IQGAP2: variants seen among roughly 807,000 people sequenced by gnomAD.
IQGAP2 encodes the protein ras GTPase-activating-like protein IQGAP2.
A neutral mutation model predicts 201.3 loss-of-function variants in IQGAP2; 173 were observed. That is an observed-to-expected ratio of 0.86 (90% CI 0.76 to 0.98). IQGAP2 has a LOEUF of 0.98. IQGAP2 is among the 50% of genes least tolerant of loss of function. The pLI, the probability that IQGAP2 is intolerant of heterozygous loss-of-function variation, is 0.00. For missense variants in IQGAP2, 1,687 were observed against 1,864.8 expected, an observed-to-expected ratio of 0.90 and a Z score of 1.76; for synonymous variants, 675 against 673.9, an observed-to-expected ratio of 1.00 and a Z score of -0.03.
At chr5:76,505,190 C>T (rs1428744823) in intron 2 of IQGAP2, among the ~76,000 whole-genome samples, 2 of 152,204 alleles carry the variant, frequency 1.3e-5, no homozygotes, top group Non-Finnish European at 2.9e-5. Flanking sequence ...AGGGCAGACC[C>T]CTCACCAGGT....
chr5:76,659,577 A>G (rs963438659), intron 21 of IQGAP2, among the ~76,000 whole-genome samples: 4 of 152,256 alleles, frequency 2.6e-5, no homozygotes, highest in Admixed American at 6.5e-5. Flanking sequence ...AAAATGTATT[A>G]TGCATCTACA....
rs1580579913 is a variant in IQGAP2, at chr5:76,606,394, CT to C, written c.1357+92del. 5 of 1,189,286 alleles carry C rather than the reference CT, an allele frequency of 4.2e-6. No individual in the cohort carries two copies. The East Asian group carries it at 1.3e-4, about 30-fold the overall frequency. 73.7% of individuals were successfully genotyped at this position (1,189,286 alleles called of 1,614,324 possible). On this transcript the variant is annotated intron_variant, in intron 12 of 35. Transcript: ENST00000274364. ...TCTAGATTAGGGCTTTAAGTTTTTG[CT>C]CAAGGAACTTTGTGAGAGCAAACTC...
chr5:76,485,038 A>G (rs1756031029), intron 2 of IQGAP2, among the ~76,000 whole-genome samples: 1 of 152,136 alleles, frequency 6.6e-6, no homozygotes, highest in Admixed American at 6.6e-5. Context: ...TGTGTTGCCC[A>G]GTCTGGTCTC....
chr5:76,591,768 A>G (rs1413685850), intron 8 of IQGAP2, among the ~76,000 whole-genome samples: 1 of 152,158 alleles, frequency 6.6e-6, no homozygotes, highest in African/African-American at 2.4e-5. Flanking sequence ...TGTTGAAGAA[A>G]TCAGCCATCA....
chr5:76,647,916 C>T (rs983230808), intron 17 of IQGAP2, among the ~76,000 whole-genome samples: 2 of 152,128 alleles, frequency 1.3e-5, no homozygotes, highest in African/African-American at 4.8e-5. Context: ...TGGACTTCCA[C>T]CCTCCTGGAC....
chr5:76,609,067 C>T (rs1044119840), intron 12 of IQGAP2: 15 of 1,519,618 alleles, frequency 9.9e-6, no homozygotes, highest in Non-Finnish European at 1.3e-5. Flanking sequence ...AATCTTTCAG[C>T]TCCTATGATG....
chr5:76,689,159 A>G (rs1170118256), intron 30 of IQGAP2, among the ~76,000 whole-genome samples: 5 of 139,820 alleles, frequency 3.6e-5, no homozygotes, highest in Admixed American at 3.1e-4. Flanking sequence ...TCCCTTGTGT[A>G]TGTTTATAGA....
chr5:76,691,164 G>A (rs762944127), intron 30 of IQGAP2, among the ~76,000 whole-genome samples: 1 of 152,188 alleles, frequency 6.6e-6, no homozygotes, highest in Non-Finnish European at 1.5e-5. Context: ...TCATGGGACT[G>A]GATGGTTACT....
At chr5:76,595,622 G>C (rs1353465513) in intron 9 of IQGAP2, among the ~76,000 whole-genome samples, 2 of 151,874 alleles carry the variant, frequency 1.3e-5, no homozygotes, top group Non-Finnish European at 2.9e-5. Flanking sequence ...TTAGCCGGGT[G>C]TGGTGGCACA....
intron 2 of IQGAP2, among the ~76,000 whole-genome samples, chr5:76,532,685 C>T (rs1057396777): frequency 2.6e-5 from 4 of 152,160 alleles, no homozygotes; most frequent in African/African-American, 9.7e-5. Flanking sequence ...ATCATGTTGC[C>T]CTTTCAGACA....
intron 1 of IQGAP2, among the ~76,000 whole-genome samples, chr5:76,416,768 C>T (rs755123681): frequency 6.6e-5 from 10 of 151,920 alleles, no homozygotes; most frequent in Non-Finnish European, 8.8e-5. Context: ...CCTCGTGATC[C>T]GCCCACCTCG....
chr5:76,600,113 AC>A (rs909814963), intron 10 of IQGAP2, among the ~76,000 whole-genome samples: 7 of 152,066 alleles, frequency 4.6e-5, no homozygotes, highest in Non-Finnish European at 8.8e-5. Flanking sequence ...GTGCCATTGC[AC>A]CCCAGCCTGG....
rs1228104680 is a variant in IQGAP2 at position 76,589,736 on chromosome 5, C to A, written c.640+8C>A. On this transcript the variant is annotated splice_region_variant and intron_variant, in intron 7 of 35. Coordinates refer to ENST00000274364, the MANE Select transcript of IQGAP2 (RefSeq NM_006633.5). ...CCGTGGATGAAGCTGCATGTAAGTC[C>A]ATTCAAAATCCAAACTTGCCATGGA... The A allele has an allele frequency of 5.2e-6, 8 of 1,525,564 alleles. No homozygotes were observed. The South Asian group carries it at 8.6e-5, about 16-fold the overall frequency. The allele number at this position is 1,525,564 out of a possible 1,614,324, so 94.5% of individuals were successfully genotyped here.
Position 76,674,017 on chromosome 5 carries a change from C to A in IQGAP2, c.3275C>A (p.Thr1092Lys). ...NSIHEKFPDATEDELLKIVGN... is the reference protein window; with the variant it reads ...NSIHEKFPDAKEDELLKIVGN... ...ATCCATGAGAAATTCCCCGATGCAA[C>A]AGAAGATGAGCTATTAAAGGTAGAT... is the stretch of plus-strand genomic sequence containing the variant. The change falls in exon 26 of 36, where the codon ACA becomes AAA. Residue 1092 changes from threonine to lysine, a missense_variant. Thr to Lys is a moderately conservative substitution (Grantham distance 78). Transcript: ENST00000274364. 1 of 1,605,142 alleles carries A rather than the reference C, an allele frequency of 6.2e-7. No homozygotes were observed. Among genetic ancestry groups the A allele is most frequent in the Non-Finnish European group, 8.5e-7 (1 of 1,171,950 alleles).
intron 15 of IQGAP2, 102 bp downstream of exon 15, chr5:76,632,128 C>A: frequency 3.9e-6 from 4 of 1,019,848 alleles, no homozygotes; most frequent in Admixed American, 3.2e-5. Context: ...TTCAAATTAA[C>A]ATTTCTGTAA....
At chr5:76,654,358 T>C (rs1752743605) in intron 19 of IQGAP2, 87 bp downstream of exon 19, 3 of 846,954 alleles carry the variant, frequency 3.5e-6, no homozygotes, top group Non-Finnish European at 5.7e-6. Flanking sequence ...ATGATTTTTA[T>C]TGAATGGTGA....
chr5:76,535,703 T>C (rs1759583176), intron 2 of IQGAP2, among the ~76,000 whole-genome samples: 1 of 152,180 alleles, frequency 6.6e-6, no homozygotes, highest in Non-Finnish European at 1.5e-5. Context: ...TAAGCTAAGC[T>C]TGTGTAGCTA....
rs557772713 is a variant in IQGAP2 at position 76,679,743 on chromosome 5, T to C, written c.3660+2393T>C. On this transcript the variant is annotated intron_variant, in intron 28 of 35. Transcript: ENST00000274364. ...TCTTAATTTTCCCTCCAAAACATCA[T>C]ATGTACCGCCTTTCCAGATTTTGCC... is the stretch of plus-strand genomic sequence containing the variant. 4.6e-5 allele frequency among the ~76,000 whole-genome samples: 7 copies of C among 152,340 alleles called. No homozygotes were observed. The South Asian group carries it at 8.3e-4, about 18-fold the overall frequency.
intron 2 of IQGAP2, among the ~76,000 whole-genome samples, chr5:76,513,775 T>C (rs1415689131): frequency 6.6e-6 from 1 of 152,166 alleles, no homozygotes; most frequent in Non-Finnish European, 1.5e-5. Flanking sequence ...GATGATACTG[T>C]CATAGTGGAT....
Sources: gnomAD v4.1 joint callset for allele counts (sites outside exome capture counted in the v4.1 genomes callset) on GRCh38, gnomAD v4.1.1 for gene constraint, MANE v1.5 for transcripts, NCBI Gene and HGNC (gene_info 2026-07-23, HGNC 2026-07-21) for gene names.